Variants in GLIS3 observed in about 807,000 individuals in gnomAD.
GLIS3 encodes GLIS family zinc finger 3, also known as zinc finger protein GLIS3.
Under a neutral mutation model 78.6 loss-of-function variants are expected in GLIS3, and 53 were observed. The observed-to-expected ratio is 0.67, with a 90% confidence interval of 0.54 to 0.85. The LOEUF is 0.85. GLIS3 is among the 40% of genes least tolerant of loss of function. The probability of loss-of-function intolerance (pLI) is 0.00; values close to 1 mark genes in which losing one functional copy is unlikely to be tolerated. For synonymous variants in GLIS3, 684 were observed against 509.9 expected (o/e 1.34, Z -4.60); for missense variants, 1,703 against 1,231.1 (o/e 1.38, Z -5.74).
At chr9:4,103,668 G>C (rs908896479) in intron 4 of GLIS3, among the ~76,000 whole-genome samples, 2 of 152,124 alleles carry the variant, frequency 1.3e-5, no homozygotes, top group African/African-American at 4.8e-5. Context: ...ACACACTGCT[G>C]AGTTCTGTAG....
intron 2 of GLIS3, among the ~76,000 whole-genome samples, chr9:4,283,273 T>TG (rs1283336306): frequency 8.6e-5 from 13 of 151,138 alleles, no homozygotes; most frequent in African/African-American, 1.7e-4. Context: ...TTTTTTGTTT[T>TG]TTTTTTTTTT....
chr9:4,343,424 G>A (rs539397742), intron 2 of GLIS3, among the ~76,000 whole-genome samples: 4 of 152,190 alleles, frequency 2.6e-5, no homozygotes, highest in South Asian at 2.1e-4. Context: ...AACATGCTGC[G>A]AGAGTTGTGG....
chr9:4,262,365 C>T (rs1825610220), intron 2 of GLIS3, among the ~76,000 whole-genome samples: 1 of 152,048 alleles, frequency 6.6e-6, no homozygotes, highest in Admixed American at 6.5e-5. Flanking sequence ...TGCTGAGTGG[C>T]ATGGATTTGG....
At chr9:4,058,831 A>C (rs1302899065) in intron 4 of GLIS3, among the ~76,000 whole-genome samples, 2 of 152,016 alleles carry the variant, frequency 1.3e-5, no homozygotes, top group Non-Finnish European at 2.9e-5. Flanking sequence ...AATACAAAAA[A>C]ATTAGCCGGG....
At chr9:4,131,800 TAAC>T (rs1387511404) in intron 2 of GLIS3, among the ~76,000 whole-genome samples, 1 of 152,188 alleles carries the variant, frequency 6.6e-6, no homozygotes, top group East Asian at 1.9e-4. Flanking sequence ...CATCTAGTAT[TAAC>T]AACATACATA....
At position 4,068,322 on chromosome 9, in the gene GLIS3, G is replaced by T. The variant is rs538971330; in HGVS notation, c.1710+49446C>A. ...GGTGCCACATTTCTTATCTTACAGA[G>T]AATCAGTAGTATTTTATTCATGATT... is the stretch of plus-strand genomic sequence containing the variant. On this transcript the variant is annotated intron_variant, in intron 4 of 10. Transcript: ENST00000381971. Among the ~76,000 whole-genome samples the T allele has an allele frequency of 7.2e-3, 679 of 94,294 alleles. 11 individuals carry two copies. Among genetic ancestry groups the T allele is most frequent in the African/African-American group, 0.018 (654 of 37,096 alleles). The allele number at this position is 94,294 out of a possible 152,430, so 61.9% of individuals were successfully genotyped here.
At chr9:4,324,548 C>T (rs112716409) in intron 2 of GLIS3, among the ~76,000 whole-genome samples, 18 of 152,162 alleles carry the variant, frequency 1.2e-4, no homozygotes, top group African/African-American at 4.1e-4. Flanking sequence ...GATTCGTATT[C>T]TTCCTTGATG....
intron 8 of GLIS3, among the ~76,000 whole-genome samples, chr9:3,873,676 GAAAA>G (rs1563800019): frequency 0.013 from 1,984 of 146,972 alleles, 41 homozygotes; most frequent in African/African-American, 0.051. Context: ...AAAAAATAAA[GAAAA>G]TAAAGTCAAA....
At chr9:4,017,128 C>G (rs1463830723) in intron 4 of GLIS3, among the ~76,000 whole-genome samples, 1 of 152,130 alleles carries the variant, frequency 6.6e-6, no homozygotes, top group African/African-American at 2.4e-5. Flanking sequence ...AGACTTCTTC[C>G]CACCACACTG....
intron 3 of GLIS3, among the ~76,000 whole-genome samples, chr9:4,119,579 C>A (rs1832027476): frequency 6.6e-6 from 1 of 152,076 alleles, no homozygotes. Flanking sequence ...GATAACAAGT[C>A]ATATCTGGAA....
chr9:4,230,575 A>T (rs1296148113), intron 2 of GLIS3, among the ~76,000 whole-genome samples: 1 of 152,174 alleles, frequency 6.6e-6, no homozygotes, highest in Non-Finnish European at 1.5e-5. Flanking sequence ...CAGGAAAAGA[A>T]TTGAGTCAGG....
the GLIS3 span, among the ~76,000 whole-genome samples, chr9:4,484,143 T>C: frequency 6.6e-6 from 1 of 152,222 alleles, no homozygotes; most frequent in Non-Finnish European, 1.5e-5. Flanking sequence ...ATTATAACAG[T>C]AAGAGAAATC....
intron 4 of GLIS3, among the ~76,000 whole-genome samples, chr9:4,078,260 G>A (rs1297938649): frequency 1.3e-5 from 2 of 152,084 alleles, no homozygotes. Flanking sequence ...TATCAAAGCA[G>A]TGGTGCTTTG....
chr9:4,291,205 A>T (rs1815945635), intron 1 of GLIS3, among the ~76,000 whole-genome samples: 1 of 152,146 alleles, frequency 6.6e-6, no homozygotes, highest in Admixed American at 6.5e-5. Flanking sequence ...TACAAATGTT[A>T]CTTAAGCAAT....
At chr9:3,956,116 A>G (rs1817094044) in intron 4 of GLIS3, among the ~76,000 whole-genome samples, 1 of 151,852 alleles carries the variant, frequency 6.6e-6, no homozygotes, top group Non-Finnish European at 1.5e-5. Flanking sequence ...CATGAAAAAA[A>G]CTCTTCTGGT....
chr9:4,239,331 C>A (rs958018192), intron 2 of GLIS3, among the ~76,000 whole-genome samples: 2 of 149,912 alleles, frequency 1.3e-5, no homozygotes, highest in African/African-American at 2.4e-5. Context: ...AAAAAAAAAC[C>A]AAAAAAAATG....
chr9:4,055,885 G>C (rs1480373021), intron 4 of GLIS3, among the ~76,000 whole-genome samples: 2 of 152,176 alleles, frequency 1.3e-5, no homozygotes, highest in East Asian at 3.9e-4. Flanking sequence ...AGGTAAAATT[G>C]GGTTGAATGA....
At chr9:4,424,243 C>A in the GLIS3 span, among the ~76,000 whole-genome samples, 1 of 152,034 alleles carries the variant, frequency 6.6e-6, no homozygotes. Flanking sequence ...CTAGCTCTGC[C>A]CCTGATTTTC....
intron 4 of GLIS3, among the ~76,000 whole-genome samples, chr9:4,091,913 T>C (rs1829538994): frequency 6.6e-6 from 1 of 151,928 alleles, no homozygotes; most frequent in Non-Finnish European, 1.5e-5. Flanking sequence ...AAAGGTACAG[T>C]AAAAATACCA....
Sources: gnomAD v4.1 joint callset for allele counts (sites outside exome capture counted in the v4.1 genomes callset) on GRCh38, gnomAD v4.1.1 for gene constraint, MANE v1.5 for transcripts, NCBI Gene and HGNC (gene_info 2026-07-23, HGNC 2026-07-21) for gene names.